The following ZNF569 variants were observed in gnomAD, a reference collection of about 807,000 sequenced individuals.
ZNF569 encodes DNA-binding protein.
Under a neutral mutation model 56.3 loss-of-function variants are expected in ZNF569, and 38 were observed. That is an observed-to-expected ratio of 0.68 (90% CI 0.52 to 0.88). ZNF569 has a LOEUF of 0.88. ZNF569 is among the 40% of genes least tolerant of loss of function. ZNF569 has a pLI of 0.00. For missense variants in ZNF569, 666 were observed against 809.2 expected, an observed-to-expected ratio of 0.82 and a Z score of 2.15; for synonymous variants, 241 against 262.9, an observed-to-expected ratio of 0.92 and a Z score of 0.81.
intron 4 of ZNF569, 112 bp downstream of exon 4, chr19:37,426,140 C>A (rs1039173607): frequency 8.6e-6 from 12 of 1,391,886 alleles, no homozygotes; most frequent in Non-Finnish European, 1.2e-5. Context: ...AAAAGCATCC[C>A]AAGGCCAAGC....
intron 2 of ZNF569, among the ~76,000 whole-genome samples, chr19:37,451,738 T>C (rs539407493): frequency 2.1e-4 from 32 of 152,290 alleles, no homozygotes; most frequent in African/African-American, 7.2e-4. Flanking sequence ...TTATCTGACA[T>C]ATGTATAGCT....
intron 2 of ZNF569, among the ~76,000 whole-genome samples, chr19:37,457,126 C>T (rs150603550): frequency 1.2e-3 from 187 of 152,254 alleles, no homozygotes; most frequent in Admixed American, 1.9e-3. Flanking sequence ...ACAAACTTCA[C>T]GTTAACTCTT....
At chr19:37,421,890 C>T (rs1165734931) in intron 5 of ZNF569, among the ~76,000 whole-genome samples, 4 of 151,052 alleles carry the variant, frequency 2.6e-5, no homozygotes, top group African/African-American at 9.7e-5. Context: ...GCTGGGACTA[C>T]AGGCATGCAC....
chr19:37,414,238 G>A lies in ZNF569; in HGVS notation c.420C>T (p.Asp140=). 6.2e-7 allele frequency: 1 copy of A among 1,613,296 alleles called. No homozygotes were observed. Among genetic ancestry groups the A allele is most frequent in the Non-Finnish European group, 8.5e-7 (1 of 1,179,724 alleles). ...TATGTTCTAAACACTTTCCAAATAA[G>A]TCATACTCATAGAGATTGTGTCTGG... ...FPSRHNLYEY[D]LFGKCLEHNF... is the part of the protein sequence containing the mutation. The change falls in exon 6 of 6, where the codon GAC becomes GAT. Residue 140 remains aspartate, a synonymous_variant. Coordinates refer to ENST00000316950, the MANE Select transcript of ZNF569 (RefSeq NM_152484.3).
intron 5 of ZNF569, 72 bp downstream of exon 5, chr19:37,425,796 G>T: frequency 8.3e-7 from 1 of 1,198,372 alleles, no homozygotes; most frequent in Non-Finnish European, 1.2e-6. Flanking sequence ...ATTTTAGAGG[G>T]ATCAACCATT....
At chr19:37,429,941 C>T (rs1290486840) in intron 3 of ZNF569, among the ~76,000 whole-genome samples, 2 of 151,988 alleles carry the variant, frequency 1.3e-5, no homozygotes, top group Non-Finnish European at 2.9e-5. Flanking sequence ...GCCTGTAATC[C>T]CAGTGCTTTG....
At chr19:37,428,163 A>C (rs2041165609) in intron 3 of ZNF569, among the ~76,000 whole-genome samples, 1 of 152,188 alleles carries the variant, frequency 6.6e-6, no homozygotes, top group South Asian at 2.1e-4. Flanking sequence ...CAAAAACAGA[A>C]ACAATTTAAA....
intron 5 of ZNF569, among the ~76,000 whole-genome samples, chr19:37,419,969 C>CTTTTTTTTTTTTTTT (rs60568702): frequency 5.0e-5 from 5 of 100,618 alleles, no homozygotes; most frequent in African/African-American, 7.9e-5. Flanking sequence ...TCTTTTCTTT[C>CTTTTTTTTTTTTTTT]TTTTTTTTTT....
In ZNF569 at chr19:37,412,457, T is replaced by C; in HGVS notation, c.*140A>G. ...AATTTGTCACCTTGGAAGAATTCTC[T>C]AATGTTTCATAAATTTGTGGCTTTT... On this transcript the variant is annotated 3_prime_UTR_variant, in exon 6 of 6. Coordinates refer to ENST00000316950, the MANE Select transcript of ZNF569 (RefSeq NM_152484.3). 7.4e-7 allele frequency: 1 copy of C among 1,348,144 alleles called. No individual in the cohort carries two copies. The highest frequency in any genetic ancestry group is 9.6e-7 in the Non-Finnish European group (1 of 1,046,550). 83.5% of individuals were successfully genotyped at this position (1,348,144 alleles called of 1,614,324 possible). A position where few individuals can be genotyped will look rare whatever the true frequency, so the allele number is the denominator to read the frequency against.
chr19:37,456,434 T>C (rs2041671521), intron 2 of ZNF569, among the ~76,000 whole-genome samples: 1 of 152,204 alleles, frequency 6.6e-6, no homozygotes. Context: ...AAGTGTCTTA[T>C]ATTTTATCTC....
chr19:37,446,335 G>A (rs961342370), intron 2 of ZNF569, among the ~76,000 whole-genome samples: 1 of 152,038 alleles, frequency 6.6e-6, no homozygotes, highest in Non-Finnish European at 1.5e-5. Flanking sequence ...GGATCACGAG[G>A]TCAGGAGATT....
chr19:37,428,673 A>ATT (rs968352157), intron 3 of ZNF569, among the ~76,000 whole-genome samples: 10 of 142,814 alleles, frequency 7.0e-5, no homozygotes, highest in African/African-American at 7.7e-5. Flanking sequence ...CTGTGGTTGA[A>ATT]TTTTTTTTTT....
In ZNF569 at chr19:37,413,400, T is replaced by C. The variant is rs1568711649; in HGVS notation, c.1258A>G (p.Ser420Gly). The C allele has an allele frequency of 1.9e-6, 3 of 1,612,902 alleles. No homozygotes were observed. Among genetic ancestry groups the C allele is most frequent in the Admixed American group, 1.7e-5 (1 of 59,770 alleles). ...TGTGTAATGAAGTTTTTCTTGTGGC[T>C]GAAGGCTTTTCTGCATTCCTTACAT... ...YECKECRKAF[S>G]HKKNFITHQK... is the part of the protein sequence containing the mutation. Residue 420 changes from serine to glycine, a missense_variant, in exon 6 of 6, where the codon AGC becomes GGC. By Grantham distance (56) the Ser-to-Gly change is moderately conservative. Coordinates refer to ENST00000316950, the MANE Select transcript of ZNF569 (RefSeq NM_152484.3).
In ZNF569 at chr19:37,445,585, T is replaced by G. The variant is rs560701278; in HGVS notation, c.-43-621A>C. ...TCCCAAAAGCTCCTAGAACTGGCAA[T>G]TGAATTCAGCAGTTTCAGGACACAA... On this transcript the variant is annotated intron_variant, in intron 2 of 5. Coordinates refer to ENST00000316950, the MANE Select transcript of ZNF569 (RefSeq NM_152484.3). Among the ~76,000 whole-genome samples, 34 of 152,268 alleles carry G rather than the reference T, an allele frequency of 2.2e-4. No homozygotes were observed. The South Asian group carries it at 7.0e-3, about 32-fold the overall frequency.
chr19:37,426,692 G>A (rs953764094), intron 3 of ZNF569, among the ~76,000 whole-genome samples: 16 of 152,370 alleles, frequency 1.1e-4, no homozygotes, highest in African/African-American at 3.8e-4. Flanking sequence ...GCAAGGCTTA[G>A]ATGGAAGCAG....
chr19:37,467,587 C>T (rs1228659254), upstream of ZNF569: 5 of 470,142 alleles, frequency 1.1e-5, no homozygotes, highest in African/African-American at 7.9e-5. Context: ...TTAGTTCCGT[C>T]TTTTTGGGTC....
Position 37,413,187 on chromosome 19 carries a change from C to T in ZNF569, c.1471G>A (p.Glu491Lys), listed in dbSNP as rs748089245. 2.5e-6 allele frequency: 4 copies of T among 1,606,518 alleles called. No individual in the cohort carries two copies. The highest frequency in any genetic ancestry group is 2.5e-6 in the Non-Finnish European group (3 of 1,177,552). The change falls in exon 6 of 6, where the codon GAG becomes AAG. Residue 491 changes from glutamate (E) to lysine (K), a missense_variant. Coordinates refer to ENST00000316950, the MANE Select transcript of ZNF569 (RefSeq NM_152484.3). ...CATTCATTGCATTCATAGGGTTTCT[C>T]TCCAGAATGAATTTTTTCATGAGCA... ...LIAHEKIHSG[E>K]KPYECNECGK...
chr19:37,452,336 A>C (rs2146958590), intron 2 of ZNF569, among the ~76,000 whole-genome samples: 1 of 152,316 alleles, frequency 6.6e-6, no homozygotes, highest in African/African-American at 2.4e-5. Flanking sequence ...TTATTTACCC[A>C]CCACCATTAT....
intron 3 of ZNF569, chr19:37,427,819 T>C (rs2041160341): frequency 1.9e-6 from 1 of 517,002 alleles, no homozygotes; most frequent in Non-Finnish European, 3.9e-6. Flanking sequence ...CAAATAAGCC[T>C]GGATAAAGCA....
Sources: allele counts gnomAD v4.1 joint callset (sites outside exome capture counted in the v4.1 genomes callset), GRCh38; gene constraint gnomAD v4.1.1; transcripts MANE v1.5; gene names NCBI Gene and HGNC (gene_info 2026-07-23, HGNC 2026-07-21).